SLC44A5: variants seen among roughly 807,000 people sequenced by gnomAD.
SLC44A5 encodes the protein solute carrier family 44 member 5.
In SLC44A5, 57 loss-of-function variants were observed where a neutral mutation model predicts 101.8. The observed-to-expected ratio is 0.56, with a 90% CI of 0.45 to 0.70. The LOEUF (loss-of-function observed/expected upper bound fraction) is 0.70, where lower values mean the gene tolerates loss of function less well. Ranked by LOEUF, SLC44A5 falls within the 30% of genes least tolerant of loss-of-function variation. The probability of loss-of-function intolerance (pLI) is 0.00; values close to 1 mark genes in which losing one functional copy is unlikely to be tolerated. For missense variants in SLC44A5, 737 were observed against 853.1 expected (o/e 0.86, Z 1.70); for synonymous variants, 281 against 290.9 (o/e 0.97, Z 0.35).
Position 75,202,642 on chromosome 1 carries a change from T to TAG in SLC44A5, c.*1083_*1084dup, listed in dbSNP as rs1383167201. ...AAGTTAGAAAATGAAGTGGCATATATAGAACAGGCTTTGATGAAAATAAAT... is the reference window on the plus strand; with the variant it reads ...AAGTTAGAAAATGAAGTGGCATATATAGAGAACAGGCTTTGATGAAAATAAAT... On this transcript the variant is annotated 3_prime_UTR_variant, in exon 24 of 24. Transcript: ENST00000370859. 1 of 152,158 alleles carries TAG rather than the reference T, an allele frequency of 6.6e-6. No individual in the cohort carries two copies. Among genetic ancestry groups the TAG allele is most frequent in the Non-Finnish European group, 1.5e-5 (1 of 68,016 alleles). The allele number at this position is 152,158 out of a possible 1,614,324, so 9.4% of individuals were successfully genotyped here. A position where few individuals can be genotyped will look rare whatever the true frequency, so the allele number is the denominator to read the frequency against.
intron 2 of SLC44A5, among the ~76,000 whole-genome samples, chr1:75,477,514 G>T (rs190079498): frequency 2.9e-3 from 446 of 152,286 alleles, no homozygotes; most frequent in Non-Finnish European, 5.0e-3. Context: ...AAAAAATTTA[G>T]ATGAATGCAT....
At chr1:75,516,727 G>A (rs1669861792) in intron 2 of SLC44A5, among the ~76,000 whole-genome samples, 1 of 152,116 alleles carries the variant, frequency 6.6e-6, no homozygotes, top group South Asian at 2.1e-4. Context: ...ACAATGCATG[G>A]CACACAGTCG....
At chr1:75,665,620 A>C in the SLC44A5 span, among the ~76,000 whole-genome samples, 1 of 152,188 alleles carries the variant, frequency 6.6e-6, no homozygotes, top group Non-Finnish European at 1.5e-5. Flanking sequence ...TAATTAAAAG[A>C]CCTTCTGCAC....
At chr1:75,457,253 G>C (rs1333597085) in intron 2 of SLC44A5, among the ~76,000 whole-genome samples, 1 of 152,150 alleles carries the variant, frequency 6.6e-6, no homozygotes, top group Non-Finnish European at 1.5e-5. Context: ...TTGGGACAGT[G>C]ATAGACACCA....
At chr1:75,252,953 T>C (rs1339297608) in intron 6 of SLC44A5, among the ~76,000 whole-genome samples, 4 of 152,066 alleles carry the variant, frequency 2.6e-5, no homozygotes, top group Admixed American at 2.6e-4. Flanking sequence ...ATGAAAGAAC[T>C]ATTCAGTGAG....
intron 2 of SLC44A5, among the ~76,000 whole-genome samples, chr1:75,481,565 A>C (rs928232611): frequency 6.6e-6 from 1 of 151,998 alleles, no homozygotes; most frequent in African/African-American, 2.4e-5. Flanking sequence ...CAAGAAAAAA[A>C]CAAACGACCC....
At chr1:75,627,164 A>G in the SLC44A5 span, among the ~76,000 whole-genome samples, 1 of 152,124 alleles carries the variant, frequency 6.6e-6, no homozygotes, top group South Asian at 2.1e-4. Flanking sequence ...TTATACCTTT[A>G]TCATTAAGAT....
chr1:75,617,421 C>G, the SLC44A5 span, among the ~76,000 whole-genome samples: 2 of 152,176 alleles, frequency 1.3e-5, no homozygotes, highest in Non-Finnish European at 2.9e-5. Flanking sequence ...AACTTCGTAG[C>G]TCTGAGAATT....
At chr1:75,418,037 C>T (rs1663769647) in intron 2 of SLC44A5, among the ~76,000 whole-genome samples, 1 of 152,160 alleles carries the variant, frequency 6.6e-6, no homozygotes, top group African/African-American at 2.4e-5. Context: ...TGCTTTTACC[C>T]CTCACACCAA....
At chr1:75,355,976 C>T (rs1659035824) in intron 3 of SLC44A5, among the ~76,000 whole-genome samples, 1 of 151,846 alleles carries the variant, frequency 6.6e-6, no homozygotes, top group South Asian at 2.1e-4. Flanking sequence ...CTTTGGGAAG[C>T]GGAGGTGGGC....
At chr1:75,638,159 A>C in the SLC44A5 span, among the ~76,000 whole-genome samples, 2 of 152,006 alleles carry the variant, frequency 1.3e-5, no homozygotes, top group Admixed American at 6.6e-5. Flanking sequence ...AAATAAAAAG[A>C]CTTAAATAAT....
At chr1:75,696,918 C>A in the SLC44A5 span, among the ~76,000 whole-genome samples, 1 of 151,384 alleles carries the variant, frequency 6.6e-6, no homozygotes, top group African/African-American at 2.4e-5. Context: ...ACATGAGAGT[C>A]ACGGAGTTTT....
chr1:75,636,000 G>T, the SLC44A5 span, among the ~76,000 whole-genome samples: 1 of 151,760 alleles, frequency 6.6e-6, no homozygotes, highest in Non-Finnish European at 1.5e-5. Flanking sequence ...AGGCTTCAGG[G>T]TATCCATCAC....
At chr1:75,513,286 C>T (rs780523748) in intron 2 of SLC44A5, among the ~76,000 whole-genome samples, 8 of 152,164 alleles carry the variant, frequency 5.3e-5, no homozygotes, top group Non-Finnish European at 1.0e-4. Context: ...TCCACAAATC[C>T]ACTTGCCGGT....
chr1:75,639,593 G>A, the SLC44A5 span, among the ~76,000 whole-genome samples: 1 of 152,104 alleles, frequency 6.6e-6, no homozygotes, highest in Non-Finnish European at 1.5e-5. Flanking sequence ...ACCGTGTTCT[G>A]TCTTGCCTTT....
At chr1:75,652,671 A>G in the SLC44A5 span, among the ~76,000 whole-genome samples, 2 of 152,076 alleles carry the variant, frequency 1.3e-5, no homozygotes, top group Non-Finnish European at 2.9e-5. Flanking sequence ...GTATACACCT[A>G]TAATCGTAGC....
At chr1:75,278,406 C>T (rs1455334624) in intron 5 of SLC44A5, among the ~76,000 whole-genome samples, 1 of 151,970 alleles carries the variant, frequency 6.6e-6, no homozygotes, top group African/African-American at 2.4e-5. Context: ...ATTATGAGTG[C>T]CATAACATCA....
intron 20 of SLC44A5, among the ~76,000 whole-genome samples, chr1:75,214,280 T>C (rs766206575): frequency 3.9e-4 from 60 of 152,014 alleles, no homozygotes; most frequent in Non-Finnish European, 6.2e-4. Context: ...TGTATTGTTC[T>C]CTGATTTTGT....
At chr1:75,609,368 G>C (rs890140837) in intron 1 of SLC44A5, among the ~76,000 whole-genome samples, 4 of 151,790 alleles carry the variant, frequency 2.6e-5, no homozygotes, top group African/African-American at 9.7e-5. Context: ...CTGATGTTTT[G>C]ATATATATAC....
Sources: gnomAD v4.1 joint callset for allele counts (sites outside exome capture counted in the v4.1 genomes callset) on GRCh38, gnomAD v4.1.1 for gene constraint, MANE v1.5 for transcripts, NCBI Gene and HGNC (gene_info 2026-07-23, HGNC 2026-07-21) for gene names.